The following ZNF451 variants were observed in gnomAD, a reference collection of about 807,000 sequenced individuals.
The protein encoded by ZNF451 is E3 SUMO-protein ligase ZNF451.
ZNF451 carries 80 observed loss-of-function variants against 107.1 expected under a neutral mutation model. That is an observed-to-expected ratio of 0.75 (90% CI 0.62 to 0.90). ZNF451 has a LOEUF of 0.90. Ranked by LOEUF, ZNF451 falls within the 40% of genes least tolerant of loss-of-function variation. ZNF451 has a pLI of 0.00. For synonymous variants in ZNF451, 362 were observed against 406.5 expected (o/e 0.89, Z 1.32); for missense variants, 1,107 against 1,236.2 (o/e 0.90, Z 1.57).
At chr6:57,119,628 A>T (rs1352872992) in intron 3 of ZNF451, among the ~76,000 whole-genome samples, 1 of 152,352 alleles carries the variant, frequency 6.6e-6, no homozygotes, top group East Asian at 1.9e-4. Context: ...CAGAAAGTAC[A>T]GTCAGACAGT....
chr6:57,094,623 ATAT>A (rs2127931546), intron 2 of ZNF451, among the ~76,000 whole-genome samples: 1 of 152,306 alleles, frequency 6.6e-6, no homozygotes, highest in African/African-American at 2.4e-5. Context: ...GTAATTATAA[ATAT>A]TATACCAAAT....
intron 3 of ZNF451, chr6:57,108,994 A>G (rs925773944): frequency 9.1e-6 from 9 of 985,286 alleles, no homozygotes; most frequent in South Asian, 4.7e-5. Flanking sequence ...TTTTACTTCT[A>G]TGGTAAACTA....
At chr6:57,149,883 A>C (rs1832264212) in intron 10 of ZNF451, among the ~76,000 whole-genome samples, 1 of 152,122 alleles carries the variant, frequency 6.6e-6, no homozygotes, top group Non-Finnish European at 1.5e-5. Flanking sequence ...GCAATACCTA[A>C]ATCTAGAATT....
At chr6:57,116,625 A>G (rs1217502326) in intron 3 of ZNF451, 1 of 152,166 alleles carries the variant, frequency 6.6e-6, no homozygotes, top group African/African-American at 2.4e-5. Context: ...AGTTTAAAAC[A>G]TCTTTCTTTA....
Position 57,169,491 on chromosome 6 carries a change from C to T in ZNF451, c.*1022C>T, listed in dbSNP as rs1764040061. On this transcript the variant is annotated 3_prime_UTR_variant, in exon 15 of 15. Coordinates refer to ENST00000370706, the MANE Select transcript of ZNF451 (RefSeq NM_001031623.3). ...TCATATTATCTTTGTGTATATGCTT[C>T]ATGTTATTTAACCAGAAATGTCTTA... The T allele has an allele frequency of 6.6e-6, 1 of 151,976 alleles. No homozygotes were observed. Among genetic ancestry groups the T allele is most frequent in the African/African-American group, 2.4e-5 (1 of 41,402 alleles). The allele number at this position is 151,976 out of a possible 1,614,324, so 9.4% of individuals were successfully genotyped here.
Position 57,128,843 on chromosome 6 carries a change from A to G in ZNF451, c.424+3A>G. On this transcript the variant is annotated splice_donor_region_variant and intron_variant, in intron 5 of 14. Coordinates refer to ENST00000370706, the MANE Select transcript of ZNF451 (RefSeq NM_001031623.3). ...GGACCAGTGGCTAAAAATGCCAGGT[A>G]TTCTTTAGAAATTACACTAAGGTTA... 1 of 1,603,866 alleles carries G rather than the reference A, an allele frequency of 6.2e-7. No homozygotes were observed. Among genetic ancestry groups the G allele is most frequent in the South Asian group, 1.1e-5 (1 of 89,298 alleles).
chr6:57,158,098 G>A (rs1763514938), intron 13 of ZNF451, among the ~76,000 whole-genome samples: 1 of 152,176 alleles, frequency 6.6e-6, no homozygotes, highest in Non-Finnish European at 1.5e-5. Context: ...GGTTCAGAAA[G>A]GTTAAATAAT....
chr6:57,142,051 C>G lies in ZNF451; in HGVS notation c.960C>G (p.Cys320Trp). Residue 320 changes from cysteine to tryptophan, a missense_variant, in exon 9 of 15, where the codon TGC becomes TGG. Cys to Trp is a radical substitution (Grantham distance 215). Around this residue, in one of 5 missense-constraint regions of ZNF451, gnomAD observed 339 missense variants for 372.8 expected, o/e 0.91. Coordinates refer to ENST00000370706, the MANE Select transcript of ZNF451 (RefSeq NM_001031623.3). ...DVPFQVKCVA[C>W]HKTLRSHMEL... ...CCTTTCAAGTTAAGTGTGTGGCCTG[C>G]CACAAGACACTGCGTTCCCACATGG... The G allele has an allele frequency of 6.2e-7, 1 of 1,613,804 alleles. No homozygotes were observed. Among genetic ancestry groups the G allele is most frequent in the Non-Finnish European group, 8.5e-7 (1 of 1,179,756 alleles).
chr6:57,099,686 T>G, intron 3 of ZNF451: 1 of 571,848 alleles, frequency 1.7e-6, no homozygotes, highest in Non-Finnish European at 3.1e-6. Context: ...GGTTGTAGGT[T>G]TGACCCTTGG....
chr6:57,109,066 C>G, intron 3 of ZNF451: 1 of 985,368 alleles, frequency 1.0e-6, no homozygotes, highest in Non-Finnish European at 1.2e-6. Flanking sequence ...TGTCACCCCA[C>G]TAGTATTTGA....
intron 3 of ZNF451, chr6:57,109,461 A>G: frequency 2.0e-6 from 2 of 985,480 alleles, no homozygotes; most frequent in Non-Finnish European, 1.2e-6. Flanking sequence ...CAAATGAGGT[A>G]ATATCCGAAA....
intron 2 of ZNF451, among the ~76,000 whole-genome samples, chr6:57,091,990 ATCT>A (rs1053131927): frequency 1.1e-4 from 16 of 152,136 alleles, no homozygotes; most frequent in African/African-American, 3.6e-4. Context: ...TTTCATTTTG[ATCT>A]TCTACGGATT....
chr6:57,100,282 A>C (rs532577434), intron 3 of ZNF451, among the ~76,000 whole-genome samples: 1 of 152,200 alleles, frequency 6.6e-6, no homozygotes, highest in East Asian at 1.9e-4. Flanking sequence ...TATTCTTATG[A>C]GTGGTCTCAC....
intron 12 of ZNF451, among the ~76,000 whole-genome samples, 175 bp downstream of exon 12, chr6:57,152,526 T>G (rs1832399075): frequency 6.6e-6 from 1 of 152,232 alleles, no homozygotes. Flanking sequence ...CCTCAACTTC[T>G]AGCAAACCTT....
intron 2 of ZNF451, among the ~76,000 whole-genome samples, chr6:57,096,245 G>C (rs9367708): frequency 0.25 from 36,001 of 142,006 alleles, 4,930 homozygotes; most frequent in African/African-American, 0.34. Context: ...AGTGCAGTGG[G>C]ACAGTCTTGG....
chr6:57,108,003 G>A (rs530676828), intron 3 of ZNF451: 6 of 513,258 alleles, frequency 1.2e-5, no homozygotes, highest in African/African-American at 2.1e-5. Context: ...CACACCCGGC[G>A]AATTTTTTGT....
At chr6:57,100,475 A>G in intron 3 of ZNF451, 1 of 1,115,956 alleles carries the variant, frequency 9.0e-7, no homozygotes, top group Non-Finnish European at 1.2e-6. Context: ...TGTATCTTTC[A>G]CTGTTAATTA....
intron 3 of ZNF451, chr6:57,104,351 A>T: frequency 1.0e-6 from 1 of 985,346 alleles, no homozygotes; most frequent in Non-Finnish European, 1.2e-6. Context: ...GAGACCTTGG[A>T]AATGTTTTAT....
intron 3 of ZNF451, among the ~76,000 whole-genome samples, chr6:57,118,567 C>A (rs976252393): frequency 1.3e-5 from 2 of 152,060 alleles, no homozygotes; most frequent in Non-Finnish European, 2.9e-5. Context: ...TTTGGAGCCT[C>A]GATCTCCTGG....
Sources: gnomAD v4.1 joint callset for allele counts (sites outside exome capture counted in the v4.1 genomes callset) on GRCh38, gnomAD v4.1.1 for gene constraint, gnomAD v4.1.1 regional missense constraint, MANE v1.5 for transcripts, NCBI Gene and HGNC (gene_info 2026-07-23, HGNC 2026-07-21) for gene names.